MELK: variants seen among roughly 807,000 people sequenced by gnomAD.
MELK encodes pEg3 kinase.
Under a neutral mutation model 85.0 loss-of-function variants are expected in MELK, and 81 were observed. That is an observed-to-expected ratio of 0.95 (90% CI 0.80 to 1.15). MELK has a LOEUF of 1.15. Ranked by LOEUF, MELK falls within the 50% of genes most tolerant of loss-of-function variation. MELK has a pLI of 0.00. For missense variants in MELK, 754 were observed against 777.5 expected (o/e 0.97, Z 0.36); for synonymous variants, 252 against 265.0 (o/e 0.95, Z 0.48).
chr9:36,648,913 G>A (rs1188048709), intron 11 of MELK, among the ~76,000 whole-genome samples: 5 of 151,916 alleles, frequency 3.3e-5, no homozygotes, highest in Non-Finnish European at 5.9e-5. Flanking sequence ...CATGAAAGTC[G>A]GAGATCAAAA....
chr9:36,644,009 A>G (rs548581674), intron 11 of MELK, among the ~76,000 whole-genome samples: 27 of 152,214 alleles, frequency 1.8e-4, no homozygotes, highest in African/African-American at 6.5e-4. Context: ...TGACTACTTT[A>G]AAGTTCTCTA....
chr9:36,669,279 A>G (rs1396097097), intron 14 of MELK, 31 bp from the exon 15 acceptor site: 10 of 1,424,944 alleles, frequency 7.0e-6, no homozygotes, highest in African/African-American at 1.4e-5. Flanking sequence ...TATGTGCTGC[A>G]TATGGATTGT....
At chr9:36,632,885 C>G (rs1262566637) in intron 9 of MELK, among the ~76,000 whole-genome samples, 1 of 152,166 alleles carries the variant, frequency 6.6e-6, no homozygotes, top group Non-Finnish European at 1.5e-5. Context: ...GTTTGTTAAA[C>G]ATTTATCTTC....
intron 8 of MELK, among the ~76,000 whole-genome samples, chr9:36,619,526 C>A (rs1484918791): frequency 6.6e-6 from 1 of 152,018 alleles, no homozygotes; most frequent in Admixed American, 6.6e-5. Flanking sequence ...TTTTATCCAG[C>A]TAAAATTTTG....
Position 36,584,494 on chromosome 9 carries a change from A to ATTT in MELK, c.144+800_144+802dup, listed in dbSNP as rs1015431561. 3.1e-3 allele frequency among the ~76,000 whole-genome samples: 273 copies of ATTT among 88,632 alleles called. 2 individuals carry two copies. Among genetic ancestry groups the ATTT allele is most frequent in the African/African-American group, 0.011 (261 of 23,388 alleles). 58.1% of individuals were successfully genotyped at this position (88,632 alleles called of 152,430 possible). A position where few individuals can be genotyped will look rare whatever the true frequency, so the allele number is the denominator to read the frequency against. On this transcript the variant is annotated intron_variant, in intron 3 of 17. Coordinates refer to ENST00000298048, the MANE Select transcript of MELK (RefSeq NM_014791.4). ...CACCATGCCTGGCTAATTTTTTTGT[A>ATTT]TTTTTTTTTTTTTTTTTTTTAGTAG... is the stretch of plus-strand genomic sequence containing the variant.
At chr9:36,646,696 G>A (rs1429091708) in intron 11 of MELK, among the ~76,000 whole-genome samples, 3 of 152,158 alleles carry the variant, frequency 2.0e-5, no homozygotes, top group Admixed American at 6.5e-5. Context: ...GTCCAGGACA[G>A]ATCCATTTTC....
intron 7 of MELK, among the ~76,000 whole-genome samples, chr9:36,603,211 T>C (rs902930249): frequency 6.6e-6 from 1 of 152,174 alleles, no homozygotes; most frequent in Admixed American, 6.5e-5. Flanking sequence ...AGATACTTAC[T>C]AAATGATGCA....
chr9:36,584,927 C>T (rs1341663649), intron 3 of MELK, among the ~76,000 whole-genome samples: 1 of 152,026 alleles, frequency 6.6e-6, no homozygotes, highest in Non-Finnish European at 1.5e-5. Flanking sequence ...CTCTGTTGCC[C>T]AGGGTGGTCT....
At chr9:36,607,271 T>C (rs919882569) in intron 7 of MELK, among the ~76,000 whole-genome samples, 4 of 152,208 alleles carry the variant, frequency 2.6e-5, no homozygotes, top group Admixed American at 2.6e-4. Context: ...CTTCTTATCA[T>C]GTCCAATCCA....
At chr9:36,643,139 T>G in intron 11 of MELK, 56 bp downstream of exon 11, 1 of 1,442,064 alleles carries the variant, frequency 6.9e-7, no homozygotes, top group African/African-American at 1.4e-5. Flanking sequence ...TCCAAACACT[T>G]TGGGAGGCCG....
intron 14 of MELK, among the ~76,000 whole-genome samples, chr9:36,668,911 CT>C: frequency 6.6e-6 from 1 of 151,956 alleles, no homozygotes; most frequent in Non-Finnish European, 1.5e-5. Flanking sequence ...CAATTAACAC[CT>C]TTTAATACTA....
rs546675355 is a variant in MELK, at chr9:36,621,008, C to T, written c.667-9291C>T. Among the ~76,000 whole-genome samples, 1,406 of 151,902 alleles carry T rather than the reference C, an allele frequency of 9.3e-3. 16 individuals are homozygous for T. Among genetic ancestry groups the T allele is most frequent in the African/African-American group, 0.028 (1,181 of 41,452 alleles). On this transcript the variant is annotated intron_variant, in intron 8 of 17. Transcript: ENST00000298048. ...AATAGAGGCTGGGCGCAGTGGCTCA[C>T]GCCTGCAATCCCAGCACTTTGGGAG...
chr9:36,677,384 C>T lies in MELK; in HGVS notation c.*47C>T. 6.6e-7 allele frequency: 1 copy of T among 1,513,716 alleles called. No individual in the cohort carries two copies. The highest frequency in any genetic ancestry group is 8.9e-7 in the Non-Finnish European group (1 of 1,118,514). The allele number at this position is 1,513,716 out of a possible 1,614,324, so 93.8% of individuals were successfully genotyped here. A position where few individuals can be genotyped will look rare whatever the true frequency, so the allele number is the denominator to read the frequency against. ...CCGGATGAGTGTGGGTGTGATACAGCCTACATAAAGACTGTTATGATCGCT... is the reference window on the plus strand; with the variant it reads ...CCGGATGAGTGTGGGTGTGATACAGTCTACATAAAGACTGTTATGATCGCT... On this transcript the variant is annotated 3_prime_UTR_variant, in exon 18 of 18. Transcript: ENST00000298048.
chr9:36,599,012 C>T (rs1291879860), intron 6 of MELK, among the ~76,000 whole-genome samples: 3 of 152,000 alleles, frequency 2.0e-5, no homozygotes, highest in Admixed American at 6.6e-5. Flanking sequence ...TAATTTTTAT[C>T]GGCCAGGCGT....
intron 3 of MELK, among the ~76,000 whole-genome samples, chr9:36,587,390 C>T (rs1823023991): frequency 6.6e-6 from 1 of 151,562 alleles, no homozygotes; most frequent in Non-Finnish European, 1.5e-5. Context: ...GATCTCAGCT[C>T]ACTGCAACCT....
intron 14 of MELK, among the ~76,000 whole-genome samples, chr9:36,668,626 C>T (rs954819683): frequency 6.6e-6 from 1 of 152,168 alleles, no homozygotes; most frequent in Non-Finnish European, 1.5e-5. Flanking sequence ...GATTCTTCTG[C>T]CTCAGCCTCC....
chr9:36,664,077 TA>T (rs1832108226), intron 13 of MELK, among the ~76,000 whole-genome samples: 1 of 152,182 alleles, frequency 6.6e-6, no homozygotes, highest in East Asian at 1.9e-4. Context: ...ATATTTCTAT[TA>T]AAATATCTCT....
chr9:36,601,025 T>G (rs1002149644), intron 7 of MELK, among the ~76,000 whole-genome samples: 1 of 151,316 alleles, frequency 6.6e-6, no homozygotes, highest in African/African-American at 2.4e-5. Context: ...TATATGCATG[T>G]TTTTTTTTGA....
In MELK at chr9:36,671,007, A is replaced by C; in HGVS notation, c.1515A>C (p.Ser505=). Residue 505 remains serine (S), a synonymous_variant, in exon 16 of 18, where the codon TCA becomes TCC. Transcript: ENST00000298048. Reference sequence around the variant, plus strand: ...TTATGTTTTGTTTCAGGTGCCGCTCAGTGGAATTGGATCTCAACCAAGCAC... The same window carrying C: ...TTATGTTTTGTTTCAGGTGCCGCTCCGTGGAATTGGATCTCAACCAAGCAC... ...GVISPERRCR[S]VELDLNQAHM... The C allele has an allele frequency of 6.2e-7, 1 of 1,608,918 alleles. No individual in the cohort carries two copies. Among genetic ancestry groups the C allele is most frequent in the Non-Finnish European group, 8.5e-7 (1 of 1,178,112 alleles).
Sources: gnomAD v4.1 joint callset for allele counts (sites outside exome capture counted in the v4.1 genomes callset) on GRCh38, gnomAD v4.1.1 for gene constraint, MANE v1.5 for transcripts, NCBI Gene and HGNC (gene_info 2026-07-23, HGNC 2026-07-21) for gene names.